PLXNA4: variants seen among roughly 807,000 people sequenced by gnomAD.
PLXNA4 encodes plexin A4.
A neutral mutation model predicts 191.8 loss-of-function variants in PLXNA4; 44 were observed. The ratio of observed to expected loss-of-function variants is 0.23; its 90% CI spans 0.18 to 0.29. The LOEUF is 0.29. Ranked by LOEUF, PLXNA4 falls within the 10% of genes least tolerant of loss-of-function variation. The pLI is 1.00. For synonymous variants in PLXNA4, 1,082 were observed against 1,009.5 expected, an observed-to-expected ratio of 1.07 and a Z score of -1.36; for missense variants, 1,800 against 2,488.8, an observed-to-expected ratio of 0.72 and a Z score of 5.89.
At chr7:132,246,658 G>C in intron 4 of PLXNA4, among the ~76,000 whole-genome samples, 1 of 152,068 alleles carries the variant, frequency 6.6e-6, no homozygotes, top group East Asian at 1.9e-4. Context: ...CTGGGAATCT[G>C]GGTGGTTTTA....
In PLXNA4 at chr7:132,165,116, G is replaced by A. The variant is rs199988894; in HGVS notation, c.4353+18C>T. 3,429 of 1,610,992 alleles carry A rather than the reference G, an allele frequency of 2.1e-3. 63 individuals carry two copies. In the South Asian group the frequency reaches 0.03, roughly 14 times the overall value. On this transcript the variant is annotated intron_variant, in intron 23 of 31. Transcript: ENST00000321063. ...ATGAACGAGGCAAGGCCAGAAATAC[G>A]TCCACATCCAACCCTACCTTGAGGA...
chr7:132,417,459 T>C (rs1325010972), intron 3 of PLXNA4, among the ~76,000 whole-genome samples: 1 of 152,048 alleles, frequency 6.6e-6, no homozygotes, highest in Non-Finnish European at 1.5e-5. Context: ...CAGTGAAAAA[T>C]CTCAGGATAT....
chr7:132,612,473 C>T (rs1164063016), intron 2 of PLXNA4, among the ~76,000 whole-genome samples: 1 of 151,942 alleles, frequency 6.6e-6, no homozygotes, highest in Non-Finnish European at 1.5e-5. Context: ...CCAGCCTGGC[C>T]AACATGGTGA....
intron 3 of PLXNA4, among the ~76,000 whole-genome samples, chr7:132,414,450 C>T (rs1041618111): frequency 6.6e-6 from 1 of 152,116 alleles, no homozygotes; most frequent in Non-Finnish European, 1.5e-5. Flanking sequence ...AACCCCAAAC[C>T]ATCAGAGGAG....
intron 31 of PLXNA4, among the ~76,000 whole-genome samples, chr7:132,130,966 T>C (rs1337435293): frequency 6.6e-6 from 1 of 152,206 alleles, no homozygotes; most frequent in East Asian, 1.9e-4. Context: ...GTGCTCAGCA[T>C]GGAGCCGGAA....
intron 2 of PLXNA4, among the ~76,000 whole-genome samples, chr7:132,641,437 C>T (rs1803741582): frequency 6.6e-6 from 1 of 152,158 alleles, no homozygotes. Flanking sequence ...TGCAAGGACA[C>T]CAGTCATGTT....
chr7:132,160,027 T>C (rs975944284), intron 24 of PLXNA4, among the ~76,000 whole-genome samples: 9 of 152,134 alleles, frequency 5.9e-5, no homozygotes, highest in African/African-American at 2.2e-4. Context: ...GGAGGCAGTG[T>C]CTCAGCGGCA....
chr7:132,389,270 C>T (rs1357028158), intron 3 of PLXNA4, among the ~76,000 whole-genome samples: 2 of 152,162 alleles, frequency 1.3e-5, no homozygotes, highest in Non-Finnish European at 2.9e-5. Flanking sequence ...TTGGTTTAAT[C>T]AGATCCTATT....
intron 3 of PLXNA4, among the ~76,000 whole-genome samples, chr7:132,450,468 G>A (rs566970017): frequency 6.6e-5 from 10 of 152,242 alleles, no homozygotes; most frequent in Admixed American, 2.6e-4. Context: ...CTGACACACC[G>A]TTTCCACTGT....
At chr7:132,413,580 A>G (rs1302067768) in intron 3 of PLXNA4, among the ~76,000 whole-genome samples, 1 of 152,218 alleles carries the variant, frequency 6.6e-6, no homozygotes, top group Non-Finnish European at 1.5e-5. Context: ...ACACAATGGA[A>G]AACACACCTA....
rs116081177 is a variant in PLXNA4, at chr7:132,547,987, C to T, written c.-87+28435G>A. On this transcript the variant is annotated intron_variant, in intron 1 of 31. Coordinates refer to ENST00000321063, the MANE Select transcript of PLXNA4 (RefSeq NM_020911.2). ...ACACAGGCCCTGGGGAGTCTGAACA[C>T]GAGTAGATCTAATGCTGTTGAACAA... is the stretch of plus-strand genomic sequence containing the variant. 6.8e-3 allele frequency among the ~76,000 whole-genome samples: 1,032 copies of T among 152,214 alleles called. 14 individuals are homozygous for T. The highest frequency in any genetic ancestry group is 0.023 in the African/African-American group (952 of 41,514).
chr7:132,310,990 C>T (rs1801709084), intron 3 of PLXNA4, among the ~76,000 whole-genome samples: 1 of 152,172 alleles, frequency 6.6e-6, no homozygotes, highest in Admixed American at 6.5e-5. Flanking sequence ...GGGAAGCACG[C>T]TGGTCAGAGT....
intron 9 of PLXNA4, among the ~76,000 whole-genome samples, chr7:132,217,897 CTTTTTTTTTTTTTTTTTT>C (rs138576612): frequency 4.6e-5 from 2 of 43,422 alleles, no homozygotes; most frequent in African/African-American, 1.2e-4. Flanking sequence ...GCTGGATTTG[CTTTTTTTTTTTTTTTTTT>C]TTTTTTTTTT....
Position 132,130,578 on chromosome 7 carries a change from CG to C in PLXNA4, c.5590-5del. Reference sequence around the variant, plus strand: ...CGTGGTCCAGAGGTCCAAGGATCTGCGGAAGGGCCAAGAACAGGGAGATTAC... The same window carrying C: ...CGTGGTCCAGAGGTCCAAGGATCTGCGAAGGGCCAAGAACAGGGAGATTAC... On this transcript the variant is annotated splice_polypyrimidine_tract_variant and splice_region_variant and intron_variant, in intron 31 of 31. Coordinates refer to ENST00000321063, the MANE Select transcript of PLXNA4 (RefSeq NM_020911.2). 2 of 1,614,000 alleles carry C rather than the reference CG, an allele frequency of 1.2e-6. No individual in the cohort carries two copies. The highest frequency in any genetic ancestry group is 1.7e-6 in the Non-Finnish European group (2 of 1,179,982).
Position 132,130,440 on chromosome 7 carries a change from G to C in PLXNA4, c.*39C>G. ...GATAATCTAGACTGAGGCACGGCTT[G>C]GTGTGTCCCCCTCCAGGGCGGCCCT... On this transcript the variant is annotated 3_prime_UTR_variant, in exon 32 of 32. Coordinates refer to ENST00000321063, the MANE Select transcript of PLXNA4 (RefSeq NM_020911.2). The C allele has an allele frequency of 6.2e-7, 1 of 1,613,820 alleles. No individual in the cohort carries two copies. Among genetic ancestry groups the C allele is most frequent in the Non-Finnish European group, 8.5e-7 (1 of 1,179,830 alleles).
intron 3 of PLXNA4, among the ~76,000 whole-genome samples, chr7:132,405,573 C>G (rs1053912476): frequency 6.6e-6 from 1 of 152,154 alleles, no homozygotes; most frequent in Non-Finnish European, 1.5e-5. Flanking sequence ...GAGGAGGTGT[C>G]GGCTTAGCAG....
At chr7:132,194,577 T>G (rs1282290480) in intron 13 of PLXNA4, among the ~76,000 whole-genome samples, 3 of 152,218 alleles carry the variant, frequency 2.0e-5, no homozygotes, top group Non-Finnish European at 4.4e-5. Flanking sequence ...AACCAGAACT[T>G]GGAACAGACC....
intron 3 of PLXNA4, among the ~76,000 whole-genome samples, chr7:132,439,840 T>TAG (rs1225613229): frequency 6.6e-6 from 1 of 152,188 alleles, no homozygotes; most frequent in Non-Finnish European, 1.5e-5. Context: ...AGGGCACTAC[T>TAG]AGAGAGAGAA....
At chr7:132,351,216 T>C (rs1803471290) in intron 3 of PLXNA4, among the ~76,000 whole-genome samples, 1 of 152,240 alleles carries the variant, frequency 6.6e-6, no homozygotes, top group African/African-American at 2.4e-5. Context: ...ATTGTGGTGA[T>C]GGTTGTGCAA....
Sources: allele counts gnomAD v4.1 joint callset (sites outside exome capture counted in the v4.1 genomes callset), GRCh38; gene constraint gnomAD v4.1.1; transcripts MANE v1.5; gene names NCBI Gene and HGNC (gene_info 2026-07-23, HGNC 2026-07-21).